Variants in SMOC2 observed in about 807,000 individuals in gnomAD.
The protein encoded by SMOC2 is SPARC related modular calcium binding 2, also known as SPARC-related modular calcium-binding protein 2.
A neutral mutation model predicts 61.4 loss-of-function variants in SMOC2; 39 were observed. That is an observed-to-expected ratio of 0.64 (90% CI 0.49 to 0.83). The LOEUF is 0.83. Among genes scored for constraint, SMOC2 ranks in the 40% least tolerant of loss-of-function variants. SMOC2 has a pLI of 0.00. For synonymous variants in SMOC2, 247 were observed against 239.9 expected, an observed-to-expected ratio of 1.03 and a Z score of -0.27; for missense variants, 556 against 592.9, an observed-to-expected ratio of 0.94 and a Z score of 0.65.
intron 7 of SMOC2, among the ~76,000 whole-genome samples, chr6:168,597,638 A>G (rs1444657454): frequency 6.6e-6 from 1 of 152,228 alleles, no homozygotes; most frequent in East Asian, 1.9e-4. Flanking sequence ...TATACACTGT[A>G]GTTAATCAGC....
At chr6:168,559,618 G>A (rs1485118685) in intron 7 of SMOC2, among the ~76,000 whole-genome samples, 1 of 152,084 alleles carries the variant, frequency 6.6e-6, no homozygotes, top group Non-Finnish European at 1.5e-5. Context: ...TTTGGGAGAT[G>A]ACTCATGTAG....
chr6:168,605,524 G>T (rs997153500), intron 8 of SMOC2, among the ~76,000 whole-genome samples: 4 of 152,038 alleles, frequency 2.6e-5, no homozygotes, highest in African/African-American at 7.2e-5. Flanking sequence ...CAAGTCATGG[G>T]CATTTCACAC....
At chr6:168,460,907 G>A (rs376514128) in intron 1 of SMOC2, among the ~76,000 whole-genome samples, 3 of 152,156 alleles carry the variant, frequency 2.0e-5, no homozygotes, top group African/African-American at 7.2e-5. Context: ...TATCAAACTG[G>A]GTCAGTGTGA....
intron 1 of SMOC2, among the ~76,000 whole-genome samples, chr6:168,451,332 T>TCATAAGAG (rs1168178220): frequency 6.6e-6 from 1 of 152,230 alleles, no homozygotes; most frequent in African/African-American, 2.4e-5. Context: ...CTCTGAATAG[T>TCATAAGAG]CATAAGAGCA....
At chr6:168,503,330 G>A (rs1326863789) in intron 1 of SMOC2, among the ~76,000 whole-genome samples, 2 of 151,680 alleles carry the variant, frequency 1.3e-5, no homozygotes, top group South Asian at 2.1e-4. Context: ...TGCCTGCCTC[G>A]GCCTCCCAAA....
chr6:168,627,179 T>C (rs1293230069), intron 9 of SMOC2, among the ~76,000 whole-genome samples: 3 of 152,204 alleles, frequency 2.0e-5, no homozygotes, highest in Middle Eastern at 6.8e-3. Flanking sequence ...GTGAGCTGAG[T>C]GTATTATAGA....
At chr6:168,599,151 A>C in intron 8 of SMOC2, 147 bp downstream of exon 8, 1 of 686,278 alleles carries the variant, frequency 1.5e-6, no homozygotes, top group Non-Finnish European at 2.4e-6. Context: ...CCACACACAT[A>C]CCCACACACA....
At position 168,653,216 on chromosome 6, in the gene SMOC2, A is replaced by G. The variant is rs771319266; in HGVS notation, c.1273A>G (p.Lys425Glu). 2.2e-5 allele frequency: 36 copies of G among 1,612,714 alleles called. No individual in the cohort carries two copies. Among genetic ancestry groups the G allele is most frequent in the Non-Finnish European group, 3.4e-6 (4 of 1,179,282 alleles). The change falls in exon 11 of 13, where the codon AAG becomes GAG. Residue 425 changes from lysine to glutamate, a missense_variant. Lys to Glu is a moderately conservative substitution (Grantham distance 56). Coordinates refer to ENST00000356284, the MANE Select transcript of SMOC2 (RefSeq NM_001166412.2). ...VAKEDGKADT[K>E]KRHTPRGHAE... ...GAAAGAGGACGGCAAAGCGGACACC[A>G]AGAAACGCCACAGTAAGAGCTTTCC...
intron 2 of SMOC2, among the ~76,000 whole-genome samples, chr6:168,514,696 G>A (rs1467570896): frequency 1.4e-5 from 2 of 146,254 alleles, no homozygotes; most frequent in Non-Finnish European, 1.5e-5. Context: ...GGAAACAAGC[G>A]CTGTAGAAGT....
chr6:168,456,249 G>A (rs983976762), intron 1 of SMOC2, among the ~76,000 whole-genome samples: 2 of 152,246 alleles, frequency 1.3e-5, no homozygotes, highest in Non-Finnish European at 2.9e-5. Context: ...CCTGGCTGTC[G>A]CCGTTTATGA....
rs1562535980 is a variant in SMOC2, at chr6:168,451,621, CT to C, written c.84+10168del. Among the ~76,000 whole-genome samples the C allele has an allele frequency of 1.1e-4, 17 of 151,966 alleles. No homozygotes were observed. In the East Asian group the frequency reaches 1.6e-3, roughly 14 times the overall value. ...TCTGTCTCTCTCTCTCTCTCTCTCTCTCTCTCTCCCTCCCTCTCTGGGTGTA... is the reference window on the plus strand; with the variant it reads ...TCTGTCTCTCTCTCTCTCTCTCTCTCCTCTCTCCCTCCCTCTCTGGGTGTA... On this transcript the variant is annotated intron_variant, in intron 1 of 12. Coordinates refer to ENST00000356284, the MANE Select transcript of SMOC2 (RefSeq NM_001166412.2).
intron 1 of SMOC2, among the ~76,000 whole-genome samples, chr6:168,445,771 G>A (rs1781318775): frequency 6.6e-6 from 1 of 152,166 alleles, no homozygotes; most frequent in Non-Finnish European, 1.5e-5. Flanking sequence ...CAACTTAGAA[G>A]CCCATTTACA....
At chr6:168,563,946 C>G (rs575145299) in intron 7 of SMOC2, among the ~76,000 whole-genome samples, 2 of 152,292 alleles carry the variant, frequency 1.3e-5, no homozygotes, top group East Asian at 3.9e-4. Flanking sequence ...CCTGCCTCAT[C>G]TCACCTCTAG....
chr6:168,523,585 G>C (rs578120246), intron 2 of SMOC2, among the ~76,000 whole-genome samples: 1 of 150,234 alleles, frequency 6.7e-6, no homozygotes, highest in Admixed American at 6.7e-5. Flanking sequence ...ATTTTTAGTA[G>C]AGACGGGGTT....
At chr6:168,666,035 A>G (rs1385479651) in intron 12 of SMOC2, among the ~76,000 whole-genome samples, 1 of 152,216 alleles carries the variant, frequency 6.6e-6, no homozygotes, top group Non-Finnish European at 1.5e-5. Flanking sequence ...TGAACAAAAA[A>G]GATAAAAAGG....
intron 1 of SMOC2, among the ~76,000 whole-genome samples, chr6:168,461,402 G>A (rs1421866583): frequency 6.6e-6 from 1 of 152,088 alleles, no homozygotes; most frequent in African/African-American, 2.4e-5. Context: ...CAATGGTGTT[G>A]GGTACACTCT....
chr6:168,566,481 T>TC (rs887636774), intron 7 of SMOC2, among the ~76,000 whole-genome samples: 3 of 105,500 alleles, frequency 2.8e-5, no homozygotes, highest in Non-Finnish European at 5.8e-5. Flanking sequence ...TAGCACTTCT[T>TC]TTTTTTTTTT....
At chr6:168,481,314 T>C (rs1187391906) in intron 1 of SMOC2, among the ~76,000 whole-genome samples, 2 of 152,082 alleles carry the variant, frequency 1.3e-5, no homozygotes, top group East Asian at 3.8e-4. Context: ...TGTAACATAG[T>C]AGCAGAATGA....
At chr6:168,621,351 G>A (rs1384858281) in intron 9 of SMOC2, among the ~76,000 whole-genome samples, 3 of 152,170 alleles carry the variant, frequency 2.0e-5, no homozygotes, top group Non-Finnish European at 4.4e-5. Context: ...TAGTCCCAGT[G>A]TCAGATTTCT....
Sources: allele counts gnomAD v4.1 joint callset (sites outside exome capture counted in the v4.1 genomes callset), GRCh38; gene constraint gnomAD v4.1.1; transcripts MANE v1.5; gene names NCBI Gene and HGNC (gene_info 2026-07-23, HGNC 2026-07-21).